The following EEA1 variants were observed in gnomAD, a reference collection of about 807,000 sequenced individuals.
EEA1 encodes early endosome antigen 1, 162kD.
EEA1 carries 111 observed loss-of-function variants against 209.2 expected under a neutral mutation model. The observed-to-expected ratio is 0.53, with a 90% CI of 0.45 to 0.62. The LOEUF (loss-of-function observed/expected upper bound fraction) is 0.62, where lower values mean the gene tolerates loss of function less well. Ranked by LOEUF, EEA1 falls within the 20% of genes least tolerant of loss-of-function variation. The pLI is 0.00. For synonymous variants in EEA1, 536 were observed against 540.6 expected, an observed-to-expected ratio of 0.99 and a Z score of 0.12; for missense variants, 1,343 against 1,530.8, an observed-to-expected ratio of 0.88 and a Z score of 2.05.
At position 92,871,328 on chromosome 12, in the gene EEA1, A is replaced by C. The variant is rs147852130; in HGVS notation, c.118-6341T>G. Among the ~76,000 whole-genome samples the C allele has an allele frequency of 2.0e-3, 306 of 152,304 alleles. 3 individuals are homozygous for C. Among genetic ancestry groups the C allele is most frequent in the African/African-American group, 7.2e-3 (298 of 41,552 alleles). The stretch of plus-strand genomic sequence containing the variant: ...ATATTCCCTTGTAGCATAAAAAGTT[A>C]AGCAACACCGAGGCAAGGAAAAACC... On this transcript the variant is annotated intron_variant, in intron 2 of 28. Transcript: ENST00000322349.
At chr12:92,837,127 A>T (rs1333346187) in intron 10 of EEA1, among the ~76,000 whole-genome samples, 3 of 43,414 alleles carry the variant, frequency 6.9e-5, no homozygotes, top group East Asian at 0.013. Context: ...TCTCATTTAA[A>T]AAAAAAAAAA....
At chr12:92,802,302 T>C (rs1874954766) in intron 19 of EEA1, 102 bp downstream of exon 19, 3 of 1,088,188 alleles carry the variant, frequency 2.8e-6, no homozygotes, top group African/African-American at 3.3e-5. Context: ...TTAAACTATT[T>C]AAATGTGGAA....
chr12:92,914,556 T>C (rs1010763133), intron 1 of EEA1, among the ~76,000 whole-genome samples: 1 of 152,138 alleles, frequency 6.6e-6, no homozygotes, highest in Non-Finnish European at 1.5e-5. Flanking sequence ...CTGGGTACAC[T>C]GGCTCACACC....
At chr12:92,849,567 G>C (rs982066168) in intron 9 of EEA1, among the ~76,000 whole-genome samples, 1 of 152,112 alleles carries the variant, frequency 6.6e-6, no homozygotes, top group African/African-American at 2.4e-5. Context: ...AGTGTTATTG[G>C]GCTACAAAGT....
chr12:92,893,751 CTTTTT>C, intron 1 of EEA1, among the ~76,000 whole-genome samples: 1 of 150,726 alleles, frequency 6.6e-6, no homozygotes, highest in Non-Finnish European at 1.5e-5. Flanking sequence ...CATTTTGCTA[CTTTTT>C]TTTTCAGAAT....
At chr12:92,850,689 CAAAAAAAAA>C (rs11323932) in intron 9 of EEA1, among the ~76,000 whole-genome samples, 4 of 46,910 alleles carry the variant, frequency 8.5e-5, no homozygotes, top group South Asian at 1.3e-3. Context: ...GACTTTGTCT[CAAAAAAAAA>C]AAAAAAAAAA....
At chr12:92,839,900 A>G (rs1008021252) in intron 10 of EEA1, among the ~76,000 whole-genome samples, 4 of 152,104 alleles carry the variant, frequency 2.6e-5, no homozygotes, top group African/African-American at 4.8e-5. Flanking sequence ...AATATCTATT[A>G]TATCATATAG....
intron 1 of EEA1, among the ~76,000 whole-genome samples, chr12:92,912,244 G>A (rs1023784244): frequency 2.0e-5 from 3 of 152,126 alleles, no homozygotes; most frequent in African/African-American, 4.8e-5. Context: ...ACAAAGTGGT[G>A]TCAGTGGTAG....
chr12:92,811,302 C>T lies in EEA1; in HGVS notation c.2176G>A (p.Glu726Lys), dbSNP rs748549413. 6 of 1,569,348 alleles carry T rather than the reference C, an allele frequency of 3.8e-6. No individual in the cohort carries two copies. Among genetic ancestry groups the T allele is most frequent in the Admixed American group, 3.8e-5 (2 of 52,442 alleles). The change falls in exon 17 of 29, where the codon GAA becomes AAA. Residue 726 changes from glutamate to lysine, a missense_variant. Physicochemically the swap from Glu to Lys is moderately conservative, Grantham distance 56 (BLOSUM62 1). Coordinates refer to ENST00000322349, the MANE Select transcript of EEA1 (RefSeq NM_003566.4). Reference protein sequence around the residue: ...EKYLSLEQKTEELEGQIKKLE... With the variant: ...EKYLSLEQKTKELEGQIKKLE... ...ACCTTAATTTGACCTTCTAGCTCTT[C>T]GGTTTTCTGTTCTAAAGAGAGGTAT...
chr12:92,784,486 C>T (rs1437762829), intron 22 of EEA1, among the ~76,000 whole-genome samples: 1 of 152,158 alleles, frequency 6.6e-6, no homozygotes, highest in Non-Finnish European at 1.5e-5. Flanking sequence ...AAAATACCAA[C>T]GCTTGCTAGA....
At chr12:92,831,921 T>C (rs1237196815) in intron 11 of EEA1, among the ~76,000 whole-genome samples, 1 of 149,630 alleles carries the variant, frequency 6.7e-6, no homozygotes, top group African/African-American at 2.4e-5. Flanking sequence ...CCGTCTCTAC[T>C]AAAAATACAA....
At chr12:92,842,708 A>G in intron 9 of EEA1, 127 bp from the exon 10 acceptor site, 1 of 631,774 alleles carries the variant, frequency 1.6e-6, no homozygotes, top group Non-Finnish European at 2.7e-6. Flanking sequence ...TTTGTTCTTT[A>G]TCCTACCACC....
chr12:92,804,969 T>C (rs1875124778), intron 18 of EEA1, among the ~76,000 whole-genome samples: 1 of 152,128 alleles, frequency 6.6e-6, no homozygotes, highest in African/African-American at 2.4e-5. Context: ...AGAAAGATCT[T>C]AAAGGTTTTC....
At chr12:92,856,830 G>A (rs937725632) in intron 5 of EEA1, among the ~76,000 whole-genome samples, 4 of 130,752 alleles carry the variant, frequency 3.1e-5, no homozygotes, top group African/African-American at 1.2e-4. Flanking sequence ...GGAGAGCAGT[G>A]GTGAGATCAC....
intron 13 of EEA1, 42 bp from the exon 14 acceptor site, chr12:92,819,553 T>TGGCCGGGCGCGGTGGCTC: frequency 7.3e-7 from 1 of 1,362,424 alleles, no homozygotes; most frequent in Non-Finnish European, 1.0e-6. Context: ...ATAGAGAACT[T>TGGCCGGGCGCGGTGGCTC]AAAAAGTTAT....
chr12:92,922,073 C>T (rs1006687950), intron 1 of EEA1, among the ~76,000 whole-genome samples: 10 of 152,054 alleles, frequency 6.6e-5, no homozygotes, highest in Non-Finnish European at 1.0e-4. Flanking sequence ...TCACATTCAG[C>T]GGCCACTTCT....
Position 92,776,955 on chromosome 12 carries a change from GA to G in EEA1, c.4015-14del, listed in dbSNP as rs1484270601. ...GTGTATGTTTGATCTGTTTTTTAAAGAAGTATCGATATATTATAGTATTCAA... is the reference window on the plus strand; with the variant it reads ...GTGTATGTTTGATCTGTTTTTTAAAGAGTATCGATATATTATAGTATTCAA... On this transcript the variant is annotated splice_polypyrimidine_tract_variant and intron_variant, in intron 27 of 28. Coordinates refer to ENST00000322349, the MANE Select transcript of EEA1 (RefSeq NM_003566.4). 1 of 1,607,696 alleles carries G rather than the reference GA, an allele frequency of 6.2e-7. No homozygotes were observed. The highest frequency in any genetic ancestry group is 8.5e-7 in the Non-Finnish European group (1 of 1,175,314).
chr12:92,920,237 G>GA (rs1197840614), intron 1 of EEA1, among the ~76,000 whole-genome samples: 6 of 83,172 alleles, frequency 7.2e-5, no homozygotes, highest in East Asian at 4.7e-4. Flanking sequence ...CACAGAATTG[G>GA]AAAAAACTAC....
intron 21 of EEA1, 141 bp downstream of exon 21, chr12:92,798,751 C>A: frequency 3.9e-6 from 2 of 510,914 alleles, no homozygotes; most frequent in Non-Finnish European, 6.6e-6. Flanking sequence ...TAGTCAAATG[C>A]TTTCATATAT....
Sources: gnomAD v4.1 joint callset for allele counts (sites outside exome capture counted in the v4.1 genomes callset) on GRCh38, gnomAD v4.1.1 for gene constraint, MANE v1.5 for transcripts, NCBI Gene and HGNC (gene_info 2026-07-23, HGNC 2026-07-21) for gene names.